RYR3: variants seen among roughly 807,000 people sequenced by gnomAD.
The protein encoded by RYR3 is ryanodine receptor 3, also known as brain ryanodine receptor-calcium release channel.
Under a neutral mutation model 584.3 loss-of-function variants are expected in RYR3, and 207 were observed. The ratio of observed to expected loss-of-function variants is 0.35; its 90% confidence interval spans 0.32 to 0.40. The LOEUF is 0.40. Among genes scored for constraint, RYR3 ranks in the 10% least tolerant of loss-of-function variants. The pLI is 1.00. For missense variants in RYR3, 5,616 were observed against 6,089.2 expected, an observed-to-expected ratio of 0.92 and a Z score of 2.59; for synonymous variants, 2,416 against 2,248.5, an observed-to-expected ratio of 1.07 and a Z score of -2.11.
chr15:33,778,371 A>G lies in RYR3; in HGVS notation c.9138-1840A>G, dbSNP rs114559046. ...AACACCATATTTCTCCTCATTGGCC[A>G]CTGTGGTAAAGATGGTAAAACTCTT... On this transcript the variant is annotated intron_variant, in intron 64 of 103. Coordinates refer to ENST00000634891, the MANE Select transcript of RYR3 (RefSeq NM_001036.6). Among the ~76,000 whole-genome samples, 1,479 of 152,204 alleles carry G rather than the reference A, an allele frequency of 9.7e-3. 25 individuals are homozygous for G. Among genetic ancestry groups the G allele is most frequent in the African/African-American group, 0.033 (1,386 of 41,500 alleles).
At chr15:33,750,971 C>G (rs8042765) in intron 57 of RYR3, among the ~76,000 whole-genome samples, 116,139 of 151,986 alleles carry the variant, frequency 0.76, 44,493 homozygotes, top group Admixed American at 0.82. Flanking sequence ...AACATGTTTG[C>G]TTTTGGTTTT....
intron 18 of RYR3, among the ~76,000 whole-genome samples, chr15:33,606,733 G>A (rs543002029): frequency 6.6e-6 from 1 of 152,300 alleles, no homozygotes; most frequent in South Asian, 2.1e-4. Flanking sequence ...CAGGATAGCA[G>A]TTGGGAGTGA....
intron 24 of RYR3, 96 bp downstream of exon 24, chr15:33,633,204 T>A (rs2061349509): frequency 2.3e-6 from 3 of 1,318,836 alleles, no homozygotes; most frequent in Non-Finnish European, 3.2e-6. Flanking sequence ...GAAGGAAGAG[T>A]TTGCCTTTGC....
In RYR3 at chr15:33,633,095, A is replaced by G. The variant is rs1255915915; in HGVS notation, c.3014A>G (p.Tyr1005Cys). 6.2e-6 allele frequency: 10 copies of G among 1,613,022 alleles called. No homozygotes were observed. The highest frequency in any genetic ancestry group is 2.7e-5 in the African/African-American group (2 of 74,918). The change falls in exon 24 of 104, where the codon TAT becomes TGT. Residue 1005 changes from tyrosine (Y) to cysteine (C), a missense_variant. Tyr to Cys is a radical substitution (Grantham distance 194, BLOSUM62 -2). Transcript: ENST00000634891. ...AKDRIKQGWT[Y>C]GIQQDLKNKR... ...GACAGAATAAAACAAGGATGGACCT[A>G]TGGCATCCAACAGGTAAGAAATTCT... is the stretch of plus-strand genomic sequence containing the variant.
intron 27 of RYR3, among the ~76,000 whole-genome samples, chr15:33,641,844 A>G (rs2061844226): frequency 6.6e-6 from 1 of 152,176 alleles, no homozygotes; most frequent in African/African-American, 2.4e-5. Flanking sequence ...TCTGCCCCAC[A>G]GGGACAACAC....
intron 64 of RYR3, among the ~76,000 whole-genome samples, chr15:33,779,838 T>TA (rs11284957): frequency 8.7e-5 from 13 of 149,494 alleles, no homozygotes; most frequent in Admixed American, 2.7e-4. Context: ...CCGTCTCTAC[T>TA]AAAAAAAAAA....
intron 1 of RYR3, among the ~76,000 whole-genome samples, chr15:33,438,685 C>A (rs2045943251): frequency 6.6e-6 from 1 of 152,196 alleles, no homozygotes; most frequent in African/African-American, 2.4e-5. Flanking sequence ...GACATATTCA[C>A]AATATCTTTT....
chr15:33,825,532 A>T, intron 81 of RYR3, 71 bp from the exon 82 acceptor site: 1 of 948,810 alleles, frequency 1.1e-6, no homozygotes, highest in Non-Finnish European at 1.7e-6. Flanking sequence ...GTCGATAGGT[A>T]CATTAACATT....
At chr15:33,765,030 C>CAAAAAAAAAAAAAAAAAAAAAAA (rs1183335863) in intron 60 of RYR3, among the ~76,000 whole-genome samples, 1 of 85,774 alleles carries the variant, frequency 1.2e-5, no homozygotes, top group Non-Finnish European at 2.0e-5. Context: ...GACTTCGTCT[C>CAAAAAAAAAAAAAAAAAAAAAAA]AAAAAAAAAA....
At chr15:33,621,412 A>G (rs549869344) in intron 19 of RYR3, among the ~76,000 whole-genome samples, 55 of 152,366 alleles carry the variant, frequency 3.6e-4, no homozygotes, top group African/African-American at 1.2e-3. Context: ...TCCATATGTC[A>G]GTACACAATC....
chr15:33,387,319 C>CT (rs1320980671), intron 1 of RYR3, among the ~76,000 whole-genome samples: 1 of 152,152 alleles, frequency 6.6e-6, no homozygotes, highest in Non-Finnish European at 1.5e-5. Flanking sequence ...TTAAGAGACT[C>CT]TGCTTTCAAT....
rs371947863 is a variant in RYR3 at position 33,634,611 on chromosome 15, G to A, written c.3053G>A (p.Arg1018His). 1.6e-5 allele frequency: 26 copies of A among 1,613,892 alleles called. No individual in the cohort carries two copies. The highest frequency in any genetic ancestry group is 8.9e-5 in the East Asian group (4 of 44,870). The change falls in exon 25 of 104, where the codon CGT becomes CAT. Residue 1018 changes from arginine (R) to histidine (H), a missense_variant. Around this residue, in one of 9 missense-constraint regions of RYR3, gnomAD observed 1,284 missense variants for 1,344.6 expected, o/e 0.95. Transcript: ENST00000634891. ...QQDLKNKRNPRLVPYALLDER... is the reference protein window; with the variant it reads ...QQDLKNKRNPHLVPYALLDER... ...GATTTGAAGAACAAAAGAAATCCCC[G>A]TCTGGTGCCATATGCATTACTGGAT...
intron 1 of RYR3, among the ~76,000 whole-genome samples, chr15:33,335,034 G>A (rs372189678): frequency 3.9e-5 from 6 of 152,246 alleles, no homozygotes; most frequent in East Asian, 3.9e-4. Flanking sequence ...AATAACACAC[G>A]TCAGTGAGGT....
chr15:33,369,302 C>G (rs1466514897), intron 1 of RYR3, among the ~76,000 whole-genome samples: 1 of 152,178 alleles, frequency 6.6e-6, no homozygotes, highest in Non-Finnish European at 1.5e-5. Context: ...CTATAGCCTA[C>G]CCAAACCCAG....
chr15:33,494,183 G>A (rs2051220313), intron 2 of RYR3, among the ~76,000 whole-genome samples: 2 of 152,124 alleles, frequency 1.3e-5, no homozygotes, highest in South Asian at 4.2e-4. Flanking sequence ...CCTGCAATTT[G>A]GATTCTCTGC....
chr15:33,483,153 C>T (rs529018628), intron 2 of RYR3, among the ~76,000 whole-genome samples: 14 of 151,884 alleles, frequency 9.2e-5, no homozygotes, highest in African/African-American at 2.7e-4. Context: ...TTCTAAGATT[C>T]TTCTTTCTCC....
At chr15:33,726,041 C>T (rs1017363545) in intron 45 of RYR3, among the ~76,000 whole-genome samples, 1 of 148,010 alleles carries the variant, frequency 6.8e-6, no homozygotes, top group Non-Finnish European at 1.5e-5. Flanking sequence ...GTCAACACTT[C>T]TGTCGTGGCC....
rs777715816 is a variant in RYR3 at position 33,669,347 on chromosome 15, C to T, written c.5620-7C>T. On this transcript the variant is annotated splice_region_variant and splice_polypyrimidine_tract_variant and intron_variant, in intron 36 of 103. Transcript: ENST00000634891. ...CCAACTAGCTATTCTTCTCTTGCCT[C>T]TCAAAGATCAACATGCTGCTTAACT... 4 of 1,613,424 alleles carry T rather than the reference C, an allele frequency of 2.5e-6. No homozygotes were observed. The highest frequency in any genetic ancestry group is 1.1e-5 in the South Asian group (1 of 91,048).
At chr15:33,401,242 T>A (rs2042644798) in intron 1 of RYR3, among the ~76,000 whole-genome samples, 1 of 152,178 alleles carries the variant, frequency 6.6e-6, no homozygotes, top group Non-Finnish European at 1.5e-5. Flanking sequence ...ATGTATCATC[T>A]CCTGATGATA....
Sources: allele counts gnomAD v4.1 joint callset (sites outside exome capture counted in the v4.1 genomes callset), GRCh38; gene constraint gnomAD v4.1.1; regional missense constraint gnomAD v4.1.1; transcripts MANE v1.5; gene names NCBI Gene and HGNC (gene_info 2026-07-23, HGNC 2026-07-21).